Variants in CFAP90 observed in about 807,000 individuals in gnomAD.
The protein encoded by CFAP90 is cilia- and flagella-associated protein 90.
At chr5:7,834,624 TC>T in the CFAP90 span, among the ~76,000 whole-genome samples, 1 of 152,140 alleles carries the variant, frequency 6.6e-6, no homozygotes, top group East Asian at 1.9e-4. Context: ...CCTGCAAGCT[TC>T]ATTCATGGTA....
the CFAP90 span, among the ~76,000 whole-genome samples, chr5:7,844,974 C>A: frequency 6.6e-6 from 1 of 152,134 alleles, no homozygotes; most frequent in Non-Finnish European, 1.5e-5. Flanking sequence ...AAAGAACTGC[C>A]TAGGACTGGG....
At chr5:7,843,295 A>G in the CFAP90 span, among the ~76,000 whole-genome samples, 3 of 152,176 alleles carry the variant, frequency 2.0e-5, no homozygotes, top group Non-Finnish European at 2.9e-5. Flanking sequence ...ATCTCAGAGG[A>G]CTGTTGCTTG....
chr5:7,845,935 C>CTTTTTTTTTTTTTTTTTT, the CFAP90 span, among the ~76,000 whole-genome samples: 2 of 150,462 alleles, frequency 1.3e-5, no homozygotes, highest in Non-Finnish European at 3.0e-5. Context: ...TTGACACTCA[C>CTTTTTTTTTTTTTTTTTT]ATTTTGCCTT....
the CFAP90 span, among the ~76,000 whole-genome samples, chr5:7,836,292 T>C: frequency 6.6e-6 from 1 of 152,196 alleles, no homozygotes; most frequent in South Asian, 2.1e-4. Context: ...AAGCCTGAGC[T>C]TCTTTGAAAA....
At chr5:7,845,692 C>T in the CFAP90 span, among the ~76,000 whole-genome samples, 7 of 152,152 alleles carry the variant, frequency 4.6e-5, no homozygotes, top group East Asian at 5.8e-4. Flanking sequence ...CACCGTTGAA[C>T]GGAATCTGCT....
the CFAP90 span, among the ~76,000 whole-genome samples, chr5:7,844,079 A>G: frequency 1.3e-5 from 2 of 152,100 alleles, no homozygotes; most frequent in Admixed American, 1.3e-4. Flanking sequence ...TTCCTCTCTC[A>G]TAAATGGGTT....
At chr5:7,849,876 C>G in the CFAP90 span, among the ~76,000 whole-genome samples, 89,847 of 151,846 alleles carry the variant, frequency 0.59, 27,589 homozygotes, top group African/African-American at 0.74. Flanking sequence ...GCAAGGCCTT[C>G]TTTCCTTGCT....
At chr5:7,846,959 G>T in the CFAP90 span, among the ~76,000 whole-genome samples, 1 of 152,100 alleles carries the variant, frequency 6.6e-6, no homozygotes, top group Non-Finnish European at 1.5e-5. Context: ...TGGCTGGGCT[G>T]GTCTTGATTG....
At chr5:7,837,364 A>G in the CFAP90 span, among the ~76,000 whole-genome samples, 2 of 152,154 alleles carry the variant, frequency 1.3e-5, no homozygotes, top group African/African-American at 2.4e-5. Flanking sequence ...CCAGCAGCAC[A>G]CTCAGACATG....
At chr5:7,843,307 G>C in the CFAP90 span, among the ~76,000 whole-genome samples, 1 of 152,134 alleles carries the variant, frequency 6.6e-6, no homozygotes, top group Non-Finnish European at 1.5e-5. Flanking sequence ...TGTTGCTTGC[G>C]AAGGACACAA....
chr5:7,840,951 G>A, the CFAP90 span, among the ~76,000 whole-genome samples: 2 of 152,072 alleles, frequency 1.3e-5, no homozygotes, highest in Admixed American at 6.6e-5. Flanking sequence ...CCCCTAGAAG[G>A]AACCAATCCG....
the CFAP90 span, chr5:7,835,277 A>C: frequency 1.5e-6 from 1 of 648,096 alleles, no homozygotes; most frequent in Non-Finnish European, 2.6e-6. Context: ...TAAAAAATAC[A>C]GTATCTATGA....
chr5:7,848,852 T>A, the CFAP90 span, among the ~76,000 whole-genome samples: 1 of 152,160 alleles, frequency 6.6e-6, no homozygotes, highest in Non-Finnish European at 1.5e-5. Context: ...AAGGACATAT[T>A]TACATCTCCT....
At chr5:7,840,059 C>T in the CFAP90 span, among the ~76,000 whole-genome samples, 2 of 151,996 alleles carry the variant, frequency 1.3e-5, no homozygotes, top group East Asian at 3.9e-4. Context: ...CAAGACAGAG[C>T]TTCTGAAATT....
At chr5:7,842,273 C>T in the CFAP90 span, among the ~76,000 whole-genome samples, 4 of 150,520 alleles carry the variant, frequency 2.7e-5, no homozygotes, top group Non-Finnish European at 5.9e-5. Flanking sequence ...CATTAATTCA[C>T]TCTCCACCAT....
the CFAP90 span, among the ~76,000 whole-genome samples, chr5:7,836,146 TG>T: frequency 1.3e-5 from 2 of 152,064 alleles, no homozygotes; most frequent in Admixed American, 6.6e-5. Flanking sequence ...TACCACCACA[TG>T]GGGGTGAGGC....
chr5:7,835,407 C>T, the CFAP90 span: 2 of 1,599,648 alleles, frequency 1.3e-6, no homozygotes, highest in Non-Finnish European at 1.7e-6. Context: ...AAGTCCCAGG[C>T]TTTTTGCATG....
At chr5:7,835,525 A>G in the CFAP90 span, 1 of 1,378,416 alleles carries the variant, frequency 7.3e-7, no homozygotes, top group Admixed American at 1.9e-5. Context: ...AAAGAAAGCC[A>G]TGGGTTAATT....
At chr5:7,840,922 A>G in the CFAP90 span, among the ~76,000 whole-genome samples, 2 of 152,296 alleles carry the variant, frequency 1.3e-5, no homozygotes, top group East Asian at 3.9e-4. Context: ...GAGGCCTGGA[A>G]CAGAGCCTTC....
Sources: allele counts gnomAD v4.1 joint callset (sites outside exome capture counted in the v4.1 genomes callset), GRCh38; gene constraint gnomAD v4.1.1; transcripts MANE v1.5; gene names NCBI Gene and HGNC (gene_info 2026-07-23, HGNC 2026-07-21).